PACRG: variants seen among roughly 807,000 people sequenced by gnomAD.
The protein encoded by PACRG is parkin coregulated.
In PACRG, 29 loss-of-function variants were observed where a neutral mutation model predicts 29.7. The observed-to-expected ratio is 0.98, with a 90% confidence interval of 0.73 to 1.33. The LOEUF (loss-of-function observed/expected upper bound fraction) is 1.33. Ranked by LOEUF, PACRG falls within the 40% of genes most tolerant of loss-of-function variation. The pLI is 0.00. For synonymous variants in PACRG, 116 were observed against 118.7 expected (o/e 0.98, Z 0.15); for missense variants, 279 against 316.2 (o/e 0.88, Z 0.89).
chr6:162,774,304 C>T (rs1783472355), intron 1 of PACRG, among the ~76,000 whole-genome samples: 1 of 152,108 alleles, frequency 6.6e-6, no homozygotes. Flanking sequence ...GGGCAGCCAG[C>T]CTTTAGTAGG....
intron 4 of PACRG, among the ~76,000 whole-genome samples, chr6:163,273,938 G>A (rs2128181248): frequency 6.6e-6 from 1 of 152,204 alleles, no homozygotes; most frequent in Non-Finnish European, 1.5e-5. Flanking sequence ...AAATTAAAAT[G>A]TAAAGTAATG....
chr6:162,900,958 G>A (rs969500784), intron 2 of PACRG, among the ~76,000 whole-genome samples: 2 of 152,060 alleles, frequency 1.3e-5, no homozygotes, highest in African/African-American at 2.4e-5. Flanking sequence ...CTTCAACTAC[G>A]CATCCCGTCT....
intron 2 of PACRG, among the ~76,000 whole-genome samples, chr6:163,006,124 ATATATAT>A (rs1315536458): frequency 2.1e-5 from 3 of 143,496 alleles, no homozygotes; most frequent in African/African-American, 7.6e-5. Flanking sequence ...AACAAAACCC[ATATATAT>A]TATATATTAT....
At chr6:163,272,889 A>ATTTTTTT (rs1301093605) in intron 4 of PACRG, among the ~76,000 whole-genome samples, 2 of 117,392 alleles carry the variant, frequency 1.7e-5, no homozygotes, top group Admixed American at 8.0e-5. Flanking sequence ...ATGATGCATC[A>ATTTTTTT]TTCTTTTTTT....
intron 4 of PACRG, among the ~76,000 whole-genome samples, chr6:163,142,634 G>A (rs1777591981): frequency 6.6e-6 from 1 of 152,142 alleles, no homozygotes; most frequent in Admixed American, 6.5e-5. Flanking sequence ...GCAAAAGACA[G>A]AAAATATATG....
chr6:163,177,845 C>T (rs1779459838), intron 4 of PACRG, among the ~76,000 whole-genome samples: 1 of 149,952 alleles, frequency 6.7e-6, no homozygotes, highest in African/African-American at 2.5e-5. Flanking sequence ...CACATGCTTC[C>T]AAACAGCACA....
At chr6:163,008,728 T>G (rs1327027944) in intron 2 of PACRG, among the ~76,000 whole-genome samples, 1 of 149,602 alleles carries the variant, frequency 6.7e-6, no homozygotes, top group Non-Finnish European at 1.5e-5. Flanking sequence ...GTGAAGGCTC[T>G]CAAGTTCTGA....
At chr6:162,740,047 T>C (rs551864812) in intron 1 of PACRG, among the ~76,000 whole-genome samples, 1 of 152,300 alleles carries the variant, frequency 6.6e-6, no homozygotes, top group African/African-American at 2.4e-5. Context: ...GTACCATCTA[T>C]GAATACTAAC....
intron 4 of PACRG, among the ~76,000 whole-genome samples, chr6:163,104,750 G>T (rs1815287707): frequency 6.6e-6 from 1 of 152,120 alleles, no homozygotes; most frequent in Non-Finnish European, 1.5e-5. Context: ...AGGTGCAATT[G>T]TTCACAATCT....
chr6:163,017,578 C>A (rs367557208), intron 2 of PACRG, among the ~76,000 whole-genome samples: 2 of 151,864 alleles, frequency 1.3e-5, no homozygotes, highest in Non-Finnish European at 2.9e-5. Context: ...GTCCTTTTCA[C>A]GTGAGTATAA....
chr6:162,779,055 T>G (rs1241340118), intron 1 of PACRG, among the ~76,000 whole-genome samples: 1 of 152,132 alleles, frequency 6.6e-6, no homozygotes, highest in Non-Finnish European at 1.5e-5. Context: ...CAGGCCCAAT[T>G]GTATGTTGTT....
chr6:162,774,744 T>C (rs1193949416), intron 1 of PACRG, among the ~76,000 whole-genome samples: 1 of 152,188 alleles, frequency 6.6e-6, no homozygotes, highest in Admixed American at 6.5e-5. Context: ...ACACATAAAA[T>C]TTATCTGATT....
At position 163,055,543 on chromosome 6, in the gene PACRG, C is replaced by T. The variant is rs1585107397; in HGVS notation, c.292-6607C>T. 6.6e-6 allele frequency among the ~76,000 whole-genome samples: 1 copy of T among 152,032 alleles called. No individual in the cohort carries two copies. Among genetic ancestry groups the T allele is most frequent in the African/African-American group, 2.4e-5 (1 of 41,400 alleles). On this transcript the variant is annotated intron_variant, in intron 2 of 4. Transcript: ENST00000366888. This position sits in a 1 kb window ranked among gnomAD's most constrained non-coding sequence, Gnocchi z 4.0. ...AAGATATGTAAAAGGAATTTACATA[C>T]AAAAAATCATCCTGTAGGAAGTAGA...
intron 4 of PACRG, among the ~76,000 whole-genome samples, chr6:163,233,828 A>C (rs1379731726): frequency 6.6e-6 from 1 of 152,220 alleles, no homozygotes; most frequent in Non-Finnish European, 1.5e-5. Flanking sequence ...TGGAAGGGGA[A>C]ATGGAATGAG....
rs1298314592 is a variant in PACRG, at chr6:163,282,861, G to GC, written c.614-31962dup. On this transcript the variant is annotated intron_variant, in intron 4 of 4. Coordinates refer to ENST00000366888, the MANE Select transcript of PACRG (RefSeq NM_001080379.2). ...AACAATTTCTTTCTGCAAACACATG[G>GC]CCCCAAATTGCTCAATCATCAAGCC... Among the ~76,000 whole-genome samples, 4 of 152,270 alleles carry GC rather than the reference G, an allele frequency of 2.6e-5. No homozygotes were observed. In the East Asian group the frequency reaches 7.7e-4, roughly 29 times the overall value.
At chr6:162,964,690 C>T (rs952736191) in intron 2 of PACRG, among the ~76,000 whole-genome samples, 1 of 152,132 alleles carries the variant, frequency 6.6e-6, no homozygotes, top group Admixed American at 6.5e-5. Context: ...ATGATCAATG[C>T]CTTATGCAGG....
intron 4 of PACRG, among the ~76,000 whole-genome samples, chr6:163,217,855 A>C (rs1488002467): frequency 6.6e-6 from 1 of 152,046 alleles, no homozygotes; most frequent in African/African-American, 2.4e-5. Context: ...TAGTTGCAGG[A>C]AGACAAGCTT....
At chr6:162,888,095 G>A (rs1285776919) in intron 2 of PACRG, among the ~76,000 whole-genome samples, 1 of 152,028 alleles carries the variant, frequency 6.6e-6, no homozygotes, top group Non-Finnish European at 1.5e-5. Context: ...GGTGAGCATG[G>A]GCTGCGGGGT....
chr6:163,143,567 C>A (rs1470825466), intron 4 of PACRG, among the ~76,000 whole-genome samples: 1 of 151,102 alleles, frequency 6.6e-6, no homozygotes, highest in Non-Finnish European at 1.5e-5. Flanking sequence ...CAGACCACTT[C>A]TCAGAATGTC....
Sources: gnomAD v4.1 joint callset for allele counts (sites outside exome capture counted in the v4.1 genomes callset) on GRCh38, gnomAD v4.1.1 for gene constraint, Gnocchi (gnomAD v3.1) non-coding constraint, MANE v1.5 for transcripts, NCBI Gene and HGNC (gene_info 2026-07-23, HGNC 2026-07-21) for gene names.